NTPCR: variants seen among roughly 807,000 people sequenced by gnomAD.
NTPCR encodes cancer-related nucleoside-triphosphatase.
Under a neutral mutation model 19.5 loss-of-function variants are expected in NTPCR, and 15 were observed. The observed-to-expected ratio is 0.77, with a 90% CI of 0.51 to 1.18. NTPCR has a LOEUF of 1.18. NTPCR is among the 50% of genes most tolerant of loss of function. NTPCR has a pLI of 0.00. For synonymous variants in NTPCR, 90 were observed against 95.8 expected (o/e 0.94, Z 0.36); for missense variants, 206 against 240.4 (o/e 0.86, Z 0.95).
chr1:232,982,725 C>T lies in NTPCR; in HGVS notation c.*4494C>T, dbSNP rs1168271991. ...CTACTTCTGGATGCCTAAGGAGTGG[C>T]CAGTCATACTCCTGGCTGACCACTG... On this transcript the variant is annotated 3_prime_UTR_variant, in exon 5 of 5. Coordinates refer to ENST00000366628, the MANE Select transcript of NTPCR (RefSeq NM_032324.3). The T allele has an allele frequency of 6.6e-6, 1 of 152,220 alleles. No homozygotes were observed. Among genetic ancestry groups the T allele is most frequent in the Non-Finnish European group, 1.5e-5 (1 of 68,056 alleles). 9.4% of individuals were successfully genotyped at this position (152,220 alleles called of 1,614,324 possible).
In NTPCR at chr1:232,978,843, A is replaced by G. The variant is rs1669217755; in HGVS notation, c.*612A>G. On this transcript the variant is annotated 3_prime_UTR_variant, in exon 5 of 5. Transcript: ENST00000366628. The stretch of plus-strand genomic sequence containing the variant: ...GAATACACAACCTTTGGAAGTGTTG[A>G]TAGCATCTGATATTCAGCCGACCAG... The G allele has an allele frequency of 6.6e-6, 1 of 152,240 alleles. No individual in the cohort carries two copies. Among genetic ancestry groups the G allele is most frequent in the African/African-American group, 2.4e-5 (1 of 41,452 alleles). 9.4% of individuals were successfully genotyped at this position (152,240 alleles called of 1,614,324 possible).
chr1:232,970,175 C>A, intron 4 of NTPCR, 57 bp downstream of exon 4: 1 of 1,355,890 alleles, frequency 7.4e-7, no homozygotes, highest in Non-Finnish European at 1.1e-6. Context: ...TCTAAAATAG[C>A]AGATGGCTCT....
At chr1:232,956,234 A>G (rs925095276) in intron 2 of NTPCR, 113 bp from the exon 3 acceptor site, 2 of 742,428 alleles carry the variant, frequency 2.7e-6, no homozygotes, top group South Asian at 3.2e-5. Flanking sequence ...TGTGTTGGTC[A>G]TTTTTAAGGA....
intron 1 of NTPCR, 24 bp from the exon 2 acceptor site, chr1:232,955,533 T>TTTC: frequency 9.1e-7 from 1 of 1,096,430 alleles, no homozygotes; most frequent in South Asian, 1.8e-5. Context: ...TTTTCTTCTT[T>TTTC]TTTTTTTTTT....
intron 4 of NTPCR, among the ~76,000 whole-genome samples, chr1:232,974,055 A>C (rs1558134869): frequency 6.6e-6 from 1 of 152,224 alleles, no homozygotes. Context: ...ATAAACCTAC[A>C]TTTTCAGTGA....
chr1:232,963,829 C>CTGTGTGTGTG (rs756296946), intron 3 of NTPCR: 10 of 115,558 alleles, frequency 8.7e-5, no homozygotes, highest in African/African-American at 2.9e-4. Context: ...TGCTTATTCT[C>CTGTGTGTGTG]TCTCTCTGTG....
chr1:232,983,562 C>T lies in NTPCR; in HGVS notation c.*5331C>T, dbSNP rs374877373. Reference sequence around the variant, plus strand: ...CGCAGGGTGCTGGCGGCCCACCAATCGCCTGGACTACAGTGAGGAGCATTG... The same window carrying T: ...CGCAGGGTGCTGGCGGCCCACCAATTGCCTGGACTACAGTGAGGAGCATTG... On this transcript the variant is annotated 3_prime_UTR_variant, in exon 5 of 5. Transcript: ENST00000366628. 1.3e-5 allele frequency: 2 copies of T among 152,234 alleles called. No homozygotes were observed. The highest frequency in any genetic ancestry group is 4.8e-5 in the African/African-American group (2 of 41,466). The allele number at this position is 152,234 out of a possible 1,614,324, so 9.4% of individuals were successfully genotyped here. A position where few individuals can be genotyped will look rare whatever the true frequency, so the allele number is the denominator to read the frequency against.
intron 2 of NTPCR, 132 bp from the exon 3 acceptor site, chr1:232,956,215 A>T: frequency 1.5e-6 from 1 of 679,588 alleles, no homozygotes; most frequent in Non-Finnish European, 2.7e-6. Context: ...TTTACAGACC[A>T]CCGCATTTTG....
At chr1:232,964,558 C>T (rs1668761893) in intron 3 of NTPCR, 1 of 152,066 alleles carries the variant, frequency 6.6e-6, no homozygotes, top group South Asian at 2.1e-4. Context: ...TCTCTTGAGG[C>T]CTTAATTGGC....
chr1:232,964,452 A>G (rs899497949), intron 3 of NTPCR: 1 of 152,178 alleles, frequency 6.6e-6, no homozygotes, highest in African/African-American at 2.4e-5. Context: ...GTGGGGAGAT[A>G]GTGTGAGACC....
chr1:232,960,734 G>C (rs1431817946), intron 3 of NTPCR, among the ~76,000 whole-genome samples: 1 of 152,122 alleles, frequency 6.6e-6, no homozygotes, highest in East Asian at 1.9e-4. Flanking sequence ...AAGTGTTCTA[G>C]ACTCAGGAAG....
At position 232,950,613 on chromosome 1, in the gene NTPCR, G is replaced by A. The variant is rs1377222477; in HGVS notation, c.-98G>A. 1 of 959,690 alleles carries A rather than the reference G, an allele frequency of 1.0e-6. No homozygotes were observed. Among genetic ancestry groups the A allele is most frequent in the Non-Finnish European group, 1.7e-6 (1 of 604,206 alleles). The allele number at this position is 959,690 out of a possible 1,614,324, so 59.4% of individuals were successfully genotyped here. On this transcript the variant is annotated 5_prime_UTR_variant, in exon 1 of 5. Coordinates refer to ENST00000366628, the MANE Select transcript of NTPCR (RefSeq NM_032324.3). ...GGGCGGGGCCTGCGACACGCGGTGGGCGGGTCCTGAGTCGCGACCCTGGTC... is the reference window on the plus strand; with the variant it reads ...GGGCGGGGCCTGCGACACGCGGTGGACGGGTCCTGAGTCGCGACCCTGGTC...
At chr1:232,963,038 C>T (rs1034479761) in intron 3 of NTPCR, 4 of 152,172 alleles carry the variant, frequency 2.6e-5, no homozygotes, top group Non-Finnish European at 5.9e-5. Context: ...CTCAGCATTG[C>T]TAGAATTTCT....
intron 3 of NTPCR, among the ~76,000 whole-genome samples, chr1:232,960,713 G>A (rs1668647164): frequency 6.6e-6 from 1 of 152,118 alleles, no homozygotes; most frequent in African/African-American, 2.4e-5. Flanking sequence ...GAAAAATAGA[G>A]TGTGTGTGGT....
rs755184503 is a variant in NTPCR at position 232,960,213 on chromosome 1, C to CAAAAAA, written c.294+3790_294+3795dup. 2.9e-4 allele frequency among the ~76,000 whole-genome samples: 8 copies of CAAAAAA among 27,488 alleles called. 1 individual carries two copies. Among genetic ancestry groups the CAAAAAA allele is most frequent in the Admixed American group, 9.5e-4 (2 of 2,096 alleles). 18.0% of individuals were successfully genotyped at this position (27,488 alleles called of 152,430 possible). A position where few individuals can be genotyped will look rare whatever the true frequency, so the allele number is the denominator to read the frequency against. The stretch of plus-strand genomic sequence containing the variant: ...TGGGTGACAGAGCAAGACTCCATCT[C>CAAAAAA]AAAAAAAAAAAAAAAAAAAAAAAAA... On this transcript the variant is annotated intron_variant, in intron 3 of 4. Coordinates refer to ENST00000366628, the MANE Select transcript of NTPCR (RefSeq NM_032324.3).
Position 232,955,656 on chromosome 1 carries a change from G to A in NTPCR, c.134G>A (p.Gly45Glu). Residue 45 changes from glycine to glutamate, a missense_variant, in exon 2 of 5, where the codon GGG (glycine) becomes GAG (glutamate). Physicochemically the swap from Gly to Glu is moderately conservative, Grantham distance 98 (BLOSUM62 -2). Coordinates refer to ENST00000366628, the MANE Select transcript of NTPCR (RefSeq NM_032324.3). ...TATACCGAAGAAGTCAGACAGGGAG[G>A]GAGAAGAATAGGATTCGATGTCGTC... is the stretch of plus-strand genomic sequence containing the variant. ...GFYTEEVRQG[G>E]RRIGFDVVTL... is the part of the protein sequence containing the mutation. 1 of 1,613,898 alleles carries A rather than the reference G, an allele frequency of 6.2e-7. No homozygotes were observed. The highest frequency in any genetic ancestry group is 8.5e-7 in the Non-Finnish European group (1 of 1,179,966).
chr1:232,971,088 T>C (rs980932927), intron 4 of NTPCR, among the ~76,000 whole-genome samples: 2 of 152,274 alleles, frequency 1.3e-5, no homozygotes, highest in African/African-American at 2.4e-5. Context: ...ATGGCATTGC[T>C]GGCACTTTGT....
chr1:232,976,261 A>G (rs948687907), intron 4 of NTPCR: 21 of 1,405,416 alleles, frequency 1.5e-5, no homozygotes, highest in African/African-American at 2.9e-5. Flanking sequence ...ACTTTAAATT[A>G]TCATTTTTGT....
chr1:232,978,454 T>C lies in NTPCR; in HGVS notation c.*223T>C. 2.2e-6 allele frequency: 1 copy of C among 449,476 alleles called. No homozygotes were observed. The highest frequency in any genetic ancestry group is 4.0e-6 in the Non-Finnish European group (1 of 250,960). The allele number at this position is 449,476 out of a possible 1,614,324, so 27.8% of individuals were successfully genotyped here. ...CTATCCATTGTGGCTTATCTATGCTTAAAGATTTCTTGTTTATTTCCTCTT... is the reference window on the plus strand; with the variant it reads ...CTATCCATTGTGGCTTATCTATGCTCAAAGATTTCTTGTTTATTTCCTCTT... On this transcript the variant is annotated 3_prime_UTR_variant, in exon 5 of 5. Transcript: ENST00000366628.
Sources: gnomAD v4.1 joint callset for allele counts (sites outside exome capture counted in the v4.1 genomes callset) on GRCh38, gnomAD v4.1.1 for gene constraint, MANE v1.5 for transcripts, NCBI Gene and HGNC (gene_info 2026-07-23, HGNC 2026-07-21) for gene names.